The following DUSP22 variants were observed in gnomAD, a reference collection of about 807,000 sequenced individuals.
DUSP22 encodes the protein dual specificity protein phosphatase 22.
Under a neutral mutation model 24.5 loss-of-function variants are expected in DUSP22, and 24 were observed. The ratio of observed to expected loss-of-function variants is 0.98; its 90% CI spans 0.71 to 1.38. The LOEUF is 1.38. Among genes scored for constraint, DUSP22 ranks in the 40% most tolerant of loss-of-function variants. The pLI is 0.00. For missense variants in DUSP22, 330 were observed against 269.2 expected, an observed-to-expected ratio of 1.23 and a Z score of -1.58; for synonymous variants, 160 against 106.4, an observed-to-expected ratio of 1.50 and a Z score of -3.10.
chr6:298,273 A>G (rs1224848123), intron 1 of DUSP22, among the ~76,000 whole-genome samples: 1 of 152,310 alleles, frequency 6.6e-6, no homozygotes, highest in Non-Finnish European at 1.5e-5. Context: ...TGGCATTTAA[A>G]ATGTCTCTGT....
chr6:328,522 A>T, intron 3 of DUSP22, among the ~76,000 whole-genome samples: 1 of 152,298 alleles, frequency 6.6e-6, no homozygotes, highest in Non-Finnish European at 1.5e-5. Context: ...TCTCATTTGC[A>T]TGTTGTCTCA....
intron 3 of DUSP22, among the ~76,000 whole-genome samples, chr6:330,236 A>C (rs1337659082): frequency 6.6e-6 from 1 of 152,296 alleles, no homozygotes; most frequent in Admixed American, 6.5e-5. Flanking sequence ...TGACGTTTCC[A>C]TTGCGTGGTT....
chr6:308,625 T>C (rs1051055001), intron 2 of DUSP22, among the ~76,000 whole-genome samples: 1 of 152,302 alleles, frequency 6.6e-6, no homozygotes, highest in African/African-American at 2.4e-5. Flanking sequence ...TATGCTTTTT[T>C]CCCCAGGCCA....
In DUSP22 at chr6:348,124, C is replaced by T. The variant is rs56362282; in HGVS notation, c.285C>T (p.Ser95=). The T allele has an allele frequency of 0.019, 30,938 of 1,597,692 alleles. 1 individual carries two copies. Among genetic ancestry groups the T allele is most frequent in the Non-Finnish European group, 0.022 (25,398 of 1,165,952 alleles). The change falls in exon 6 of 7, where the codon AGC becomes AGT. Residue 95 remains serine, a synonymous_variant. Coordinates refer to ENST00000419235, the MANE Select transcript of DUSP22 (RefSeq NM_001286555.3). The part of the protein sequence containing the change: ...LVHCLAGVSR[S]VTLVIAYIMT... ...GCAGCCTGGCCGGGGTCTCCAGGAG[C>T]GTGACACTGGTGATCGCATACATCA...
intron 4 of DUSP22, among the ~76,000 whole-genome samples, chr6:338,556 T>C (rs1206743844): frequency 6.6e-6 from 1 of 152,306 alleles, no homozygotes; most frequent in African/African-American, 2.4e-5. Context: ...CGTATTTCTC[T>C]AGTTAACAAA....
In DUSP22 at chr6:349,291, G is replaced by A; in HGVS notation, c.*340G>A. On this transcript the variant is annotated 3_prime_UTR_variant, in exon 7 of 7. Transcript: ENST00000419235. ...TGAGTGAGGGTATGTGCACCTAAGTGTGTACATGTGTGTATGTTGTGAAAG... is the reference window on the plus strand; with the variant it reads ...TGAGTGAGGGTATGTGCACCTAAGTATGTACATGTGTGTATGTTGTGAAAG... The A allele has an allele frequency of 1.6e-6, 2 of 1,235,248 alleles. No individual in the cohort carries two copies. The highest frequency in any genetic ancestry group is 1.0e-6 in the Non-Finnish European group (1 of 979,664). The allele number at this position is 1,235,248 out of a possible 1,614,324, so 76.5% of individuals were successfully genotyped here. A position where few individuals can be genotyped will look rare whatever the true frequency, so the allele number is the denominator to read the frequency against.
intron 2 of DUSP22, among the ~76,000 whole-genome samples, chr6:304,919 G>C (rs1038256898): frequency 6.6e-6 from 1 of 152,286 alleles, no homozygotes; most frequent in African/African-American, 2.4e-5. Flanking sequence ...CACAACTATC[G>C]GAGCCTCCTC....
chr6:343,792 C>T (rs1166099935), intron 4 of DUSP22, among the ~76,000 whole-genome samples: 2 of 147,650 alleles, frequency 1.4e-5, no homozygotes, highest in African/African-American at 5.0e-5. Context: ...GTTTCTTCTG[C>T]AGTCAGTACC....
chr6:341,496 C>T (rs564990048), intron 4 of DUSP22, among the ~76,000 whole-genome samples: 1 of 152,426 alleles, frequency 6.6e-6, no homozygotes, highest in East Asian at 1.9e-4. Context: ...AGTCCTGCAC[C>T]AAAGTGGCAG....
chr6:335,015 T>A, intron 3 of DUSP22, 99 bp from the exon 4 acceptor site: 1 of 1,356,530 alleles, frequency 7.4e-7, no homozygotes, highest in Non-Finnish European at 1.0e-6. Context: ...TCCTTTTTAT[T>A]TTTTTATTTT....
At chr6:337,842 C>G (rs879719533) in intron 4 of DUSP22, among the ~76,000 whole-genome samples, 11 of 152,302 alleles carry the variant, frequency 7.2e-5, no homozygotes, top group Non-Finnish European at 1.2e-4. Context: ...TTATGGTTTG[C>G]TTTTGTAACT....
chr6:348,626 C>A lies in DUSP22; in HGVS notation c.436-143C>A, dbSNP rs1198419147. 7 of 1,422,060 alleles carry A rather than the reference C, an allele frequency of 4.9e-6. No homozygotes were observed. The African/African-American group carries it at 8.5e-5, about 17-fold the overall frequency. 88.1% of individuals were successfully genotyped at this position (1,422,060 alleles called of 1,614,324 possible). On this transcript the variant is annotated intron_variant, in intron 6 of 6. Coordinates refer to ENST00000419235, the MANE Select transcript of DUSP22 (RefSeq NM_001286555.3). Reference sequence around the variant, plus strand: ...TCTTGCTTGACCCTGGCTGGCCAACCACAGAGCTCTGATTTCCCACTGCTG... The same window carrying A: ...TCTTGCTTGACCCTGGCTGGCCAACAACAGAGCTCTGATTTCCCACTGCTG...
At chr6:293,149 C>T (rs1346954772) in intron 1 of DUSP22, among the ~76,000 whole-genome samples, 1 of 152,288 alleles carries the variant, frequency 6.6e-6, no homozygotes, top group African/African-American at 2.4e-5. Context: ...CAAGGGCAAC[C>T]TGTTGCTGGC....
At chr6:292,943 C>CT (rs1757162080) in intron 1 of DUSP22, among the ~76,000 whole-genome samples, 1 of 151,052 alleles carries the variant, frequency 6.6e-6, no homozygotes, top group African/African-American at 2.5e-5. Flanking sequence ...CCACCACCGC[C>CT]CCCCCCACAT....
intron 4 of DUSP22, among the ~76,000 whole-genome samples, chr6:343,036 A>G (rs1038491531): frequency 1.3e-4 from 20 of 152,280 alleles, no homozygotes; most frequent in African/African-American, 4.6e-4. Flanking sequence ...TTCGTGCCCC[A>G]CTCTGCTGTA....
chr6:307,932 T>A (rs953644991), intron 2 of DUSP22, among the ~76,000 whole-genome samples: 1 of 152,306 alleles, frequency 6.6e-6, no homozygotes, highest in African/African-American at 2.4e-5. Flanking sequence ...GCTTAACAGG[T>A]CAGCATATGT....
intron 1 of DUSP22, among the ~76,000 whole-genome samples, chr6:297,125 T>C (rs1039404559): frequency 1.1e-4 from 17 of 152,418 alleles, no homozygotes; most frequent in African/African-American, 4.1e-4. Context: ...ATGGGTGTGA[T>C]CCTGAAGAAG....
At chr6:295,528 A>T (rs1423222066) in intron 1 of DUSP22, among the ~76,000 whole-genome samples, 1 of 152,268 alleles carries the variant, frequency 6.6e-6, no homozygotes, top group Admixed American at 6.5e-5. Flanking sequence ...TAATCACAGC[A>T]CTTTGGGAGA....
intron 2 of DUSP22, among the ~76,000 whole-genome samples, chr6:310,166 G>A (rs1253099662): frequency 6.6e-6 from 1 of 152,304 alleles, no homozygotes; most frequent in Non-Finnish European, 1.5e-5. Context: ...TCGCCGTGGT[G>A]ACCAGGCTGG....
Sources: allele counts gnomAD v4.1 joint callset (sites outside exome capture counted in the v4.1 genomes callset), GRCh38; gene constraint gnomAD v4.1.1; transcripts MANE v1.5; gene names NCBI Gene and HGNC (gene_info 2026-07-23, HGNC 2026-07-21).